The following TMEM132D variants were observed in gnomAD, a reference collection of about 807,000 sequenced individuals.
TMEM132D encodes the protein mature OL transmembrane protein.
Under a neutral mutation model 62.3 loss-of-function variants are expected in TMEM132D, and 21 were observed. That is an observed-to-expected ratio of 0.34 (90% CI 0.24 to 0.49). TMEM132D has a LOEUF of 0.49. Ranked by LOEUF, TMEM132D falls within the 20% of genes least tolerant of loss-of-function variation. The pLI, the probability that TMEM132D is intolerant of heterozygous loss-of-function variation, is 0.99. For missense variants in TMEM132D, 1,346 were observed against 1,402.8 expected, an observed-to-expected ratio of 0.96 and a Z score of 0.65; for synonymous variants, 621 against 575.6, an observed-to-expected ratio of 1.08 and a Z score of -1.13.
At chr12:129,088,056 CT>C in intron 5 of TMEM132D, among the ~76,000 whole-genome samples, 1 of 94,330 alleles carries the variant, frequency 1.1e-5, no homozygotes, top group African/African-American at 4.6e-5. Flanking sequence ...ACCGGGTGTC[CT>C]CCATGACCGG....
intron 3 of TMEM132D, among the ~76,000 whole-genome samples, chr12:129,490,119 C>T (rs942981424): frequency 1.3e-5 from 2 of 152,196 alleles, no homozygotes; most frequent in African/African-American, 4.8e-5. Flanking sequence ...GCATTCTGTT[C>T]AATGTAGCTA....
intron 4 of TMEM132D, among the ~76,000 whole-genome samples, chr12:129,254,264 C>T (rs1429370466): frequency 6.6e-6 from 1 of 152,178 alleles, no homozygotes; most frequent in Non-Finnish European, 1.5e-5. Flanking sequence ...ATGGACATCC[C>T]GATTACTCTG....
At chr12:129,609,431 G>A (rs933189254) in intron 2 of TMEM132D, among the ~76,000 whole-genome samples, 7 of 152,004 alleles carry the variant, frequency 4.6e-5, no homozygotes, top group Non-Finnish European at 8.8e-5. Flanking sequence ...AAAAACCCCC[G>A]TGGCATGGTT....
intron 5 of TMEM132D, among the ~76,000 whole-genome samples, chr12:129,118,430 C>A (rs1444104605): frequency 6.6e-6 from 1 of 152,210 alleles, no homozygotes; most frequent in African/African-American, 2.4e-5. Flanking sequence ...CTCGTCAGCC[C>A]CAGCACTCCC....
At chr12:129,263,480 T>C (rs1229153989) in intron 4 of TMEM132D, among the ~76,000 whole-genome samples, 4 of 152,086 alleles carry the variant, frequency 2.6e-5, no homozygotes, top group Non-Finnish European at 1.5e-5. Flanking sequence ...GGAGCTGAGA[T>C]TTAAACCCAG....
chr12:129,622,211 A>G (rs887669995), intron 2 of TMEM132D, among the ~76,000 whole-genome samples: 3 of 152,178 alleles, frequency 2.0e-5, no homozygotes, highest in African/African-American at 7.2e-5. Flanking sequence ...AGAAGCCAGC[A>G]AGAGTCCACA....
At chr12:129,621,225 C>T (rs551959616) in intron 2 of TMEM132D, among the ~76,000 whole-genome samples, 5 of 152,230 alleles carry the variant, frequency 3.3e-5, no homozygotes, top group Admixed American at 6.5e-5. Flanking sequence ...CATGGCTGTG[C>T]GCTCTGCATA....
At chr12:129,229,063 C>T (rs1257099656) in intron 4 of TMEM132D, among the ~76,000 whole-genome samples, 1 of 152,202 alleles carries the variant, frequency 6.6e-6, no homozygotes, top group Non-Finnish European at 1.5e-5. Context: ...TGAATCCAGG[C>T]TCCCTTGCTG....
At chr12:129,754,554 C>G (rs1305545814) in intron 1 of TMEM132D, among the ~76,000 whole-genome samples, 1 of 152,080 alleles carries the variant, frequency 6.6e-6, no homozygotes, top group Non-Finnish European at 1.5e-5. Flanking sequence ...TGGATGATGT[C>G]AACATGGAAA....
intron 4 of TMEM132D, among the ~76,000 whole-genome samples, chr12:129,236,522 A>G (rs1487179982): frequency 4.0e-5 from 6 of 148,940 alleles, no homozygotes; most frequent in African/African-American, 1.5e-4. Flanking sequence ...CTCAAAAAAA[A>G]AAAAAAAAAG....
intron 1 of TMEM132D, among the ~76,000 whole-genome samples, chr12:129,902,951 C>T (rs1875411112): frequency 6.6e-6 from 1 of 152,158 alleles, no homozygotes; most frequent in African/African-American, 2.4e-5. Context: ...TCAAGGGTCC[C>T]CACGCCCTCT....
chr12:129,089,373 G>A lies in TMEM132D; in HGVS notation c.1444-4671C>T, dbSNP rs1192535914. ...CATGACCGGGGTGTCCTCTATGACC[G>A]GGATGTCCTCCATGACCGGGTGTCC... On this transcript the variant is annotated intron_variant, in intron 5 of 8. Coordinates refer to ENST00000422113, the MANE Select transcript of TMEM132D (RefSeq NM_133448.3). Among the ~76,000 whole-genome samples, 129 of 60,706 alleles carry A rather than the reference G, an allele frequency of 2.1e-3. 32 individuals carry two copies. The highest frequency in any genetic ancestry group is 2.6e-3 in the Non-Finnish European group (90 of 35,108). 39.8% of individuals were successfully genotyped at this position (60,706 alleles called of 152,430 possible).
intron 1 of TMEM132D, among the ~76,000 whole-genome samples, chr12:129,775,880 G>C (rs1210868877): frequency 6.6e-6 from 1 of 152,024 alleles, no homozygotes; most frequent in African/African-American, 2.4e-5. Flanking sequence ...TAACTGTAAA[G>C]GACTCTATCA....
At chr12:129,107,133 T>C (rs1875526718) in intron 5 of TMEM132D, among the ~76,000 whole-genome samples, 1 of 152,206 alleles carries the variant, frequency 6.6e-6, no homozygotes, top group Non-Finnish European at 1.5e-5. Context: ...TGAGAATTCA[T>C]GTGCAAGAGC....
intron 5 of TMEM132D, among the ~76,000 whole-genome samples, chr12:129,163,098 T>G (rs1489088061): frequency 3.3e-5 from 5 of 152,202 alleles, no homozygotes; most frequent in Non-Finnish European, 7.3e-5. Context: ...CCTGAAATTC[T>G]TGGGCAAGAC....
At chr12:129,083,465 G>A (rs1872716) in intron 6 of TMEM132D, among the ~76,000 whole-genome samples, 129,300 of 152,118 alleles carry the variant, frequency 0.85, 55,176 homozygotes, top group East Asian at 0.94. Flanking sequence ...CCTCCGCAGC[G>A]CCAACGGTCA....
chr12:129,550,124 A>T (rs1445140336), intron 2 of TMEM132D, among the ~76,000 whole-genome samples: 2 of 152,236 alleles, frequency 1.3e-5, no homozygotes, highest in Non-Finnish European at 2.9e-5. Flanking sequence ...CATGAGAAAG[A>T]TTAATAGAGT....
intron 5 of TMEM132D, among the ~76,000 whole-genome samples, chr12:129,123,736 G>T (rs1249605693): frequency 6.6e-6 from 1 of 152,188 alleles, no homozygotes; most frequent in African/African-American, 2.4e-5. Context: ...CAGTGCGGAT[G>T]GGCCTCATCC....
chr12:129,106,729 C>A (rs991722877), intron 5 of TMEM132D, among the ~76,000 whole-genome samples: 1 of 152,110 alleles, frequency 6.6e-6, no homozygotes. Flanking sequence ...CGTGCTCTGG[C>A]CAATGACGTG....
Sources: allele counts gnomAD v4.1 joint callset (sites outside exome capture counted in the v4.1 genomes callset), GRCh38; gene constraint gnomAD v4.1.1; transcripts MANE v1.5; gene names NCBI Gene and HGNC (gene_info 2026-07-23, HGNC 2026-07-21).